CFAP144: variants seen among roughly 807,000 people sequenced by gnomAD.
CFAP144 encodes cilia- and flagella-associated protein 144.
the CFAP144 span, among the ~76,000 whole-genome samples, chr1:43,143,511 A>G: frequency 1.3e-5 from 2 of 150,950 alleles, no homozygotes; most frequent in Non-Finnish European, 2.9e-5. Flanking sequence ...TATGATTTGG[A>G]TGGTGATCAA....
At chr1:43,147,342 A>G in the CFAP144 span, among the ~76,000 whole-genome samples, 1 of 152,126 alleles carries the variant, frequency 6.6e-6, no homozygotes, top group African/African-American at 2.4e-5. Context: ...AAAAATGGCT[A>G]AGATGGTAAA....
chr1:43,156,091 A>G, the CFAP144 span: 3 of 817,850 alleles, frequency 3.7e-6, no homozygotes, highest in East Asian at 2.4e-5. Context: ...CCATTCCGCA[A>G]TGCAGCCACA....
the CFAP144 span, chr1:43,156,084 T>C: frequency 1.3e-6 from 1 of 772,684 alleles, no homozygotes; most frequent in South Asian, 1.5e-5. Flanking sequence ...GTCATCTCCA[T>C]TCCGCAATGC....
the CFAP144 span, among the ~76,000 whole-genome samples, chr1:43,144,201 G>T: frequency 6.6e-6 from 1 of 152,124 alleles, no homozygotes; most frequent in East Asian, 1.9e-4. Context: ...CAAAAACAAG[G>T]ATTAATACTA....
the CFAP144 span, among the ~76,000 whole-genome samples, chr1:43,155,370 G>T: frequency 1.3e-5 from 2 of 152,320 alleles, no homozygotes; most frequent in East Asian, 3.9e-4. Context: ...AGGACATCTC[G>T]TGCAGGCTTA....
chr1:43,154,393 CATAT>C, the CFAP144 span, among the ~76,000 whole-genome samples: 3 of 84,730 alleles, frequency 3.5e-5, no homozygotes, highest in African/African-American at 5.6e-4. Context: ...TATACACACA[CATAT>C]ATGTATACAT....
chr1:43,144,852 T>C, the CFAP144 span, among the ~76,000 whole-genome samples: 3 of 152,092 alleles, frequency 2.0e-5, no homozygotes, highest in South Asian at 2.1e-4. Flanking sequence ...CAACCAACCA[T>C]GACAATTCAC....
chr1:43,151,986 G>T, the CFAP144 span, among the ~76,000 whole-genome samples: 34,092 of 152,022 alleles, frequency 0.22, 5,502 homozygotes, highest in African/African-American at 0.44. Flanking sequence ...TCTCTTATAT[G>T]AAGGATGTGC....
the CFAP144 span, among the ~76,000 whole-genome samples, chr1:43,145,574 C>T: frequency 2.0e-5 from 3 of 152,300 alleles, no homozygotes; most frequent in South Asian, 6.2e-4. Context: ...ACTTCTACTT[C>T]AGAATGGGAA....
the CFAP144 span, chr1:43,156,130 C>A: frequency 8.2e-7 from 1 of 1,216,524 alleles, no homozygotes; most frequent in Non-Finnish European, 1.2e-6. Flanking sequence ...TGATATAAGC[C>A]AGGCCCATTG....
the CFAP144 span, chr1:43,150,688 A>T: frequency 7.4e-7 from 1 of 1,357,308 alleles, no homozygotes; most frequent in Non-Finnish European, 1.0e-6. Flanking sequence ...TGCCCTGTTT[A>T]AGGTGGACCT....
chr1:43,145,190 G>A, the CFAP144 span: 22 of 1,372,076 alleles, frequency 1.6e-5, no homozygotes, highest in Non-Finnish European at 2.2e-5. Flanking sequence ...TTTGAGACTG[G>A]CTTCTCCACG....
the CFAP144 span, among the ~76,000 whole-genome samples, chr1:43,155,421 C>T: frequency 6.6e-6 from 1 of 152,224 alleles, no homozygotes; most frequent in Non-Finnish European, 1.5e-5. Flanking sequence ...CTGCTCAGAC[C>T]TTCGTAGGCT....
At chr1:43,150,662 G>A in the CFAP144 span, 1 of 1,019,606 alleles carries the variant, frequency 9.8e-7, no homozygotes, top group Non-Finnish European at 1.5e-6. Flanking sequence ...CAGATACTCA[G>A]TGAGTGCCAA....
At chr1:43,145,889 G>A in the CFAP144 span, among the ~76,000 whole-genome samples, 11 of 152,294 alleles carry the variant, frequency 7.2e-5, 1 homozygote, top group East Asian at 2.1e-3. Context: ...TAGACAAATA[G>A]ACCAATGGCA....
At chr1:43,154,739 G>A in the CFAP144 span, among the ~76,000 whole-genome samples, 1 of 152,090 alleles carries the variant, frequency 6.6e-6, no homozygotes, top group Non-Finnish European at 1.5e-5. Flanking sequence ...TACTGTGAAG[G>A]GCATAGGCAC....
the CFAP144 span, among the ~76,000 whole-genome samples, chr1:43,155,452 G>T: frequency 6.6e-6 from 1 of 152,236 alleles, no homozygotes; most frequent in Non-Finnish European, 1.5e-5. Context: ...CAGAGTGCAT[G>T]TGTCTCCAGA....
chr1:43,153,609 A>T, the CFAP144 span, among the ~76,000 whole-genome samples: 1 of 151,666 alleles, frequency 6.6e-6, no homozygotes, highest in African/African-American at 2.4e-5. Context: ...ACTCTGTCTT[A>T]AAAAAAATAT....
At chr1:43,147,352 A>G in the CFAP144 span, among the ~76,000 whole-genome samples, 131 of 151,574 alleles carry the variant, frequency 8.6e-4, 1 homozygote, top group East Asian at 0.018. Flanking sequence ...AAGATGGTAA[A>G]ATTATATTAC....
Sources: allele counts gnomAD v4.1 joint callset (sites outside exome capture counted in the v4.1 genomes callset), GRCh38; gene constraint gnomAD v4.1.1; transcripts MANE v1.5; gene names NCBI Gene and HGNC (gene_info 2026-07-23, HGNC 2026-07-21).